The following SH2D1A variants were observed in gnomAD, a reference collection of about 807,000 sequenced individuals.
The protein encoded by SH2D1A is SH2 domain containing 1A.
Under a neutral mutation model 10.1 loss-of-function variants are expected in SH2D1A, and 6 were observed. The ratio of observed to expected loss-of-function variants is 0.60; its 90% CI spans 0.33 to 1.18. SH2D1A has a LOEUF of 1.18. Ranked by LOEUF, SH2D1A falls within the 50% of genes most tolerant of loss-of-function variation. The pLI is 0.04. For synonymous variants in SH2D1A, 42 were observed against 36.9 expected (o/e 1.14, Z -0.51); for missense variants, 51 against 97.6 (o/e 0.52, Z 2.01).
chrX:124,350,812 ATATAATATAT>A lies in SH2D1A; in HGVS notation c.137+4038_137+4047del, dbSNP rs1357527277. Among the ~76,000 whole-genome samples, 6 of 7,330 alleles carry A rather than the reference ATATAATATAT, an allele frequency of 8.2e-4. 1 individual carries two copies. Among genetic ancestry groups the A allele is most frequent in the African/African-American group, 3.7e-3 (3 of 809 alleles). 6.4% of individuals were successfully genotyped at this position (7,330 alleles called of 115,157 possible). A position where few individuals can be genotyped will look rare whatever the true frequency, so the allele number is the denominator to read the frequency against. Reference sequence around the variant, plus strand: ...TAATATATTATATATTGTATATAAGATATAATATATTATATATTGTATATAAGATATAATA... The same window carrying A: ...TAATATATTATATATTGTATATAAGATATATATTGTATATAAGATATAATA... On this transcript the variant is annotated intron_variant, in intron 1 of 3. Coordinates refer to ENST00000371139, the MANE Select transcript of SH2D1A (RefSeq NM_002351.5).
rs921205093 is a variant in SH2D1A, at chrX:124,371,902, A to G, written c.*511A>G. On this transcript the variant is annotated 3_prime_UTR_variant, in exon 4 of 4. Coordinates refer to ENST00000371139, the MANE Select transcript of SH2D1A (RefSeq NM_002351.5). ...TACTGTGTGCTAAAACAAGCACTAAACAAAGAGTGAAGGATTTATGTTTAA... is the reference window on the plus strand; with the variant it reads ...TACTGTGTGCTAAAACAAGCACTAAGCAAAGAGTGAAGGATTTATGTTTAA... 10 of 156,595 alleles carry G rather than the reference A, an allele frequency of 6.4e-5. No homozygotes were observed. The highest frequency in any genetic ancestry group is 9.9e-5 in the Non-Finnish European group (8 of 80,680). 12.9% of individuals were successfully genotyped at this position (156,595 alleles called of 1,213,427 possible).
At chrX:124,360,481 G>A (rs1318265809) in intron 1 of SH2D1A, among the ~76,000 whole-genome samples, 2 of 95,116 alleles carry the variant, frequency 2.1e-5, no homozygotes, top group Non-Finnish European at 4.1e-5. Context: ...AATTAGCTAG[G>A]CACAGCAGTG....
At chrX:124,353,116 A>G (rs186139086) in intron 1 of SH2D1A, 282 of 133,460 alleles carry the variant, frequency 2.1e-3, no homozygotes, top group African/African-American at 8.2e-3. Context: ...TACCCCATGA[A>G]TATGTACAAT....
intron 1 of SH2D1A, among the ~76,000 whole-genome samples, chrX:124,359,495 C>T (rs2060034596): frequency 9.0e-6 from 1 of 111,638 alleles, no homozygotes; most frequent in South Asian, 3.8e-4. Context: ...TGCTGTTTCA[C>T]TGCTTCCATC....
At chrX:124,360,778 G>C (rs2060038626) in intron 1 of SH2D1A, among the ~76,000 whole-genome samples, 1 of 110,350 alleles carries the variant, frequency 9.1e-6, no homozygotes, top group African/African-American at 3.3e-5. Flanking sequence ...TCATTATAAA[G>C]TTTACCTTAC....
intron 1 of SH2D1A, among the ~76,000 whole-genome samples, chrX:124,354,484 G>C (rs1467178652): frequency 9.0e-6 from 1 of 111,257 alleles, no homozygotes; most frequent in Non-Finnish European, 1.9e-5. Flanking sequence ...TAGTATAAGA[G>C]AGGGGCAGCA....
rs144394827 is a variant in SH2D1A at position 124,361,108 on chromosome X, C to G, written c.138-4653C>G. Among the ~76,000 whole-genome samples, 508 of 111,513 alleles carry G rather than the reference C, an allele frequency of 4.6e-3. 7 individuals are homozygous for G. The East Asian group carries it at 0.061, about 13-fold the overall frequency. ...TCCTCCTAAATTCACACGTTTAAACCCTTACCTCCAATATGCTTGTATTTG... is the reference window on the plus strand; with the variant it reads ...TCCTCCTAAATTCACACGTTTAAACGCTTACCTCCAATATGCTTGTATTTG... On this transcript the variant is annotated intron_variant, in intron 1 of 3. Transcript: ENST00000371139.
At chrX:124,369,807 G>T (rs917043968) in intron 2 of SH2D1A, among the ~76,000 whole-genome samples, 7 of 108,737 alleles carry the variant, frequency 6.4e-5, no homozygotes, top group Non-Finnish European at 1.3e-4. Flanking sequence ...TTTTGTTTTT[G>T]TTTTTTCCTG....
chrX:124,364,508 T>G, intron 1 of SH2D1A: 1 of 176,733 alleles, frequency 5.7e-6, no homozygotes, highest in Non-Finnish European at 9.8e-6. Context: ...ATTGAAGCGA[T>G]ACAGTTTTTT....
intron 3 of SH2D1A, among the ~76,000 whole-genome samples, chrX:124,370,937 G>A (rs955141340): frequency 1.8e-5 from 2 of 112,091 alleles, no homozygotes; most frequent in African/African-American, 6.5e-5. Flanking sequence ...TATCTGATAC[G>A]TGACTGTTTA....
intron 1 of SH2D1A, among the ~76,000 whole-genome samples, chrX:124,351,697 T>G (rs186216017): frequency 1.0e-3 from 113 of 111,021 alleles, no homozygotes; most frequent in Non-Finnish European, 1.9e-3. Context: ...TCATTTTATA[T>G]GGTTGTTAAG....
chrX:124,370,076 A>G, intron 2 of SH2D1A, 100 bp from the exon 3 acceptor site: 1 of 631,787 alleles, frequency 1.6e-6, no homozygotes, highest in Admixed American at 2.3e-5. Flanking sequence ...TCAACAAGTT[A>G]CACAAATGTT....
Position 124,370,315 on chromosome X carries a change from C to T in SH2D1A, c.341C>T (p.Thr114Ile), listed in dbSNP as rs1212771107. The stretch of plus-strand genomic sequence containing the variant: ...TCCTCAGCTAGAAGTACACAAGGTA[C>T]TACAGGTATGATTTCCTCTTAATTT... ...KKSSARSTQG[T>I]TGIREDPDVC... Residue 114 changes from threonine to isoleucine, a missense_variant, in exon 3 of 4, where the codon ACT (threonine) becomes ATT (isoleucine). Physicochemically the swap from Thr to Ile is moderately conservative, Grantham distance 89. Coordinates refer to ENST00000371139, the MANE Select transcript of SH2D1A (RefSeq NM_002351.5). The T allele has an allele frequency of 8.3e-7, 1 of 1,203,062 alleles. No individual in the cohort carries two copies. Among genetic ancestry groups the T allele is most frequent in the South Asian group, 1.8e-5 (1 of 56,754 alleles).
chrX:124,369,209 A>G (rs142880106), intron 2 of SH2D1A, among the ~76,000 whole-genome samples: 65 of 111,126 alleles, frequency 5.8e-4, no homozygotes, highest in African/African-American at 2.1e-3. Context: ...CACCTCAAAA[A>G]TCTACCAGAT....
chrX:124,350,595 GAATATATTATATATTGTATATAAGAT>G (rs2060010103), intron 1 of SH2D1A, among the ~76,000 whole-genome samples: 3 of 47,149 alleles, frequency 6.4e-5, no homozygotes, highest in Non-Finnish European at 1.0e-4. Flanking sequence ...GTATAATATA[GAATATATTATATATTGTATATAAGAT>G]AATATATTAT....
In SH2D1A at chrX:124,372,499, G is replaced by T. The variant is rs1284733967; in HGVS notation, c.*1108G>T. ...ACAATAACGATAAAAGACAGTGAAA[G>T]AAAATAACGATAAAAGACAGTGAAA... is the stretch of plus-strand genomic sequence containing the variant. On this transcript the variant is annotated 3_prime_UTR_variant, in exon 4 of 4. Transcript: ENST00000371139. 1 of 170,702 alleles carries T rather than the reference G, an allele frequency of 5.9e-6. No homozygotes were observed. The highest frequency in any genetic ancestry group is 3.0e-5 in the African/African-American group (1 of 33,630). The allele number at this position is 170,702 out of a possible 1,213,427, so 14.1% of individuals were successfully genotyped here.
chrX:124,350,581 T>C (rs1248874763), intron 1 of SH2D1A, among the ~76,000 whole-genome samples: 2 of 53,857 alleles, frequency 3.7e-5, no homozygotes, highest in East Asian at 6.7e-4. Flanking sequence ...TACTATATTA[T>C]ATAGTATAAT....
intron 2 of SH2D1A, chrX:124,367,590 T>C (rs1455588756): frequency 8.9e-6 from 1 of 112,232 alleles, no homozygotes; most frequent in African/African-American, 3.2e-5. Flanking sequence ...AATGTTTTAG[T>C]TTGCCATGCT....
intron 2 of SH2D1A, among the ~76,000 whole-genome samples, chrX:124,369,004 G>A (rs1318767614): frequency 9.0e-6 from 1 of 110,929 alleles, no homozygotes; most frequent in Non-Finnish European, 1.9e-5. Flanking sequence ...TGAACATATG[G>A]GGGAACACTA....
Sources: allele counts gnomAD v4.1 joint callset (sites outside exome capture counted in the v4.1 genomes callset), GRCh38; gene constraint gnomAD v4.1.1; transcripts MANE v1.5; gene names NCBI Gene and HGNC (gene_info 2026-07-23, HGNC 2026-07-21).